The following FAM120B variants were observed in gnomAD, a reference collection of about 807,000 sequenced individuals.
FAM120B encodes the protein family with sequence similarity 120 member B, also known as constitutive coactivator of peroxisome proliferator-activated receptor gamma.
FAM120B carries 83 observed loss-of-function variants against 96.3 expected under a neutral mutation model. That is an observed-to-expected ratio of 0.86 (90% CI 0.72 to 1.03). The LOEUF (loss-of-function observed/expected upper bound fraction) is 1.03, where lower values mean the gene tolerates loss of function less well. Ranked by LOEUF, FAM120B falls within the 50% of genes least tolerant of loss-of-function variation. The probability of loss-of-function intolerance (pLI) is 0.00; values close to 1 mark genes in which losing one functional copy is unlikely to be tolerated. For synonymous variants in FAM120B, 407 were observed against 402.7 expected, an observed-to-expected ratio of 1.01 and a Z score of -0.13; for missense variants, 1,027 against 1,121.2, an observed-to-expected ratio of 0.92 and a Z score of 1.20.
In FAM120B at chr6:170,318,482, A is replaced by G. The variant is rs1407976785; in HGVS notation, c.1092A>G (p.Glu364=). 1 of 1,586,948 alleles carries G rather than the reference A, an allele frequency of 6.3e-7. No individual in the cohort carries two copies. Residue 364 remains glutamate (E), a synonymous_variant, in exon 2 of 11, where the codon GAA becomes GAG. Transcript: ENST00000476287. ...GTACAGGCCCTGAATCCAGGCGAGA[A>G]GTTCCCGTGTATACAGATTCTGAAC... ...PMCTGPESRR[E]VPVYTDSEPR...
intron 9 of FAM120B, among the ~76,000 whole-genome samples, chr6:170,399,096 G>A (rs1778382935): frequency 6.8e-6 from 1 of 147,924 alleles, no homozygotes; most frequent in African/African-American, 2.5e-5. Context: ...GAGTGAGTGG[G>A]GAAGGTAGAA....
chr6:170,396,966 T>C (rs1008175822), intron 9 of FAM120B, among the ~76,000 whole-genome samples: 10 of 152,240 alleles, frequency 6.6e-5, no homozygotes, highest in Non-Finnish European at 1.0e-4. Context: ...GTGTGATGCA[T>C]GTGCTGTGGC....
chr6:170,358,133 TAC>T, intron 5 of FAM120B, 91 bp from the exon 6 acceptor site: 1 of 1,109,020 alleles, frequency 9.0e-7, no homozygotes, highest in Non-Finnish European at 1.3e-6. Context: ...TTTGCGCCTA[TAC>T]ACACACTCAT....
intron 9 of FAM120B, among the ~76,000 whole-genome samples, chr6:170,403,524 G>A (rs1778689368): frequency 6.6e-6 from 1 of 152,184 alleles, no homozygotes; most frequent in South Asian, 2.1e-4. Context: ...AGTTTCTGGA[G>A]CCTGAGTGTG....
At chr6:170,303,211 T>C (rs1562506617), upstream of FAM120B, among the ~76,000 whole-genome samples, 1 of 152,202 alleles carries the variant, frequency 6.6e-6, no homozygotes, top group Non-Finnish European at 1.5e-5. Context: ...ATATTTCTTT[T>C]GTATATGAGA....
At chr6:170,305,629 T>C (rs1035247003), upstream of FAM120B, among the ~76,000 whole-genome samples, 2 of 152,224 alleles carry the variant, frequency 1.3e-5, no homozygotes, top group African/African-American at 4.8e-5. Context: ...TGTGTAAGGA[T>C]AGGTTTGGAG....
intron 6 of FAM120B, among the ~76,000 whole-genome samples, chr6:170,381,937 T>G (rs1486348510): frequency 6.6e-6 from 1 of 152,110 alleles, no homozygotes; most frequent in East Asian, 1.9e-4. Flanking sequence ...TTCTCCAATA[T>G]CAGGGATATT....
At chr6:170,367,742 T>G (rs911583873) in intron 6 of FAM120B, among the ~76,000 whole-genome samples, 1 of 152,246 alleles carries the variant, frequency 6.6e-6, no homozygotes, top group Non-Finnish European at 1.5e-5. Flanking sequence ...ATGTCATTCC[T>G]TTGAGGTAAT....
intron 6 of FAM120B, among the ~76,000 whole-genome samples, chr6:170,374,711 A>G (rs1789406600): frequency 6.6e-6 from 1 of 152,188 alleles, no homozygotes; most frequent in Non-Finnish European, 1.5e-5. Flanking sequence ...ACTCAGTGTT[A>G]GTGCCATGAA....
In FAM120B at chr6:170,318,920, A is replaced by G. The variant is rs764129722; in HGVS notation, c.1530A>G (p.Ile510Met). The G allele has an allele frequency of 2.6e-5, 42 of 1,614,094 alleles. No individual in the cohort carries two copies. The East Asian group carries it at 7.1e-4, about 27-fold the overall frequency. The change falls in exon 2 of 11, where the codon ATA (isoleucine) becomes ATG (methionine). Residue 510 changes from isoleucine to methionine, a missense_variant. Ile to Met is a conservative substitution (Grantham distance 10). Around this residue, in one of 3 missense-constraint regions of FAM120B, gnomAD observed 880 missense variants for 980.9 expected, o/e 0.90. Coordinates refer to ENST00000476287, the MANE Select transcript of FAM120B (RefSeq NM_032448.3). ...TGHESKQEVP[I>M]CTDPISKQED... Reference sequence around the variant, plus strand: ...ATGAATCCAAACAGGAAGTTCCCATATGTACAGATCCTATATCCAAGCAAG... The same window carrying G: ...ATGAATCCAAACAGGAAGTTCCCATGTGTACAGATCCTATATCCAAGCAAG...
chr6:170,401,947 TGGCCACAG>T (rs1778604878), intron 9 of FAM120B, among the ~76,000 whole-genome samples: 4 of 24,482 alleles, frequency 1.6e-4, no homozygotes, highest in African/African-American at 6.3e-4. Flanking sequence ...GATGCATGAG[TGGCCACAG>T]GCCTCCCCAA....
chr6:170,356,700 T>C (rs1787977388), intron 5 of FAM120B, among the ~76,000 whole-genome samples: 1 of 152,128 alleles, frequency 6.6e-6, no homozygotes, highest in Non-Finnish European at 1.5e-5. Flanking sequence ...CATCTGCATT[T>C]GGTTGAAAAA....
intron 1 of FAM120B, among the ~76,000 whole-genome samples, chr6:170,315,925 G>GA (rs1784869568): frequency 1.7e-4 from 25 of 145,732 alleles, no homozygotes; most frequent in South Asian, 4.5e-4. Flanking sequence ...TGTCTCCACT[G>GA]GAAAAAAAAA....
intron 5 of FAM120B, among the ~76,000 whole-genome samples, chr6:170,356,109 A>T (rs528208202): frequency 1.3e-5 from 2 of 152,268 alleles, no homozygotes; most frequent in East Asian, 3.9e-4. Flanking sequence ...AAGCAGAAAA[A>T]GCCCAGGACC....
chr6:170,358,911 TG>T (rs1315883774), intron 6 of FAM120B, among the ~76,000 whole-genome samples: 1 of 152,216 alleles, frequency 6.6e-6, no homozygotes, highest in Non-Finnish European at 1.5e-5. Context: ...CTTGTGGACC[TG>T]GGTACTGGGT....
At chr6:170,300,831 C>A (rs1457097596) in intron 1 of FAM120B, among the ~76,000 whole-genome samples, 1 of 152,232 alleles carries the variant, frequency 6.6e-6, no homozygotes, top group East Asian at 1.9e-4. Context: ...CCATGTCACA[C>A]TGATGCGAGA....
intron 7 of FAM120B, among the ~76,000 whole-genome samples, chr6:170,389,761 C>T (rs913789537): frequency 2.0e-5 from 3 of 152,096 alleles, no homozygotes; most frequent in South Asian, 4.2e-4. Context: ...GGTTTTTCCA[C>T]GTTGCCCAGG....
chr6:170,397,550 G>C (rs565605563), intron 9 of FAM120B, among the ~76,000 whole-genome samples: 2 of 152,128 alleles, frequency 1.3e-5, no homozygotes, highest in Non-Finnish European at 2.9e-5. Context: ...GATTGCAGCA[G>C]GTGGTGAGAC....
chr6:170,357,278 G>C (rs547711745), intron 5 of FAM120B, among the ~76,000 whole-genome samples: 1 of 152,136 alleles, frequency 6.6e-6, no homozygotes, highest in Non-Finnish European at 1.5e-5. Flanking sequence ...GTAGCTGAAC[G>C]CGGTGGCTGG....
Sources: allele counts gnomAD v4.1 joint callset (sites outside exome capture counted in the v4.1 genomes callset), GRCh38; gene constraint gnomAD v4.1.1; regional missense constraint gnomAD v4.1.1; transcripts MANE v1.5; gene names NCBI Gene and HGNC (gene_info 2026-07-23, HGNC 2026-07-21).